Variants in DNAH11 observed in about 807,000 individuals in gnomAD.
DNAH11 encodes the protein axonemal beta dynein heavy chain 11.
DNAH11 carries 442 observed loss-of-function variants against 526.0 expected under a neutral mutation model. The observed-to-expected ratio is 0.84, with a 90% confidence interval of 0.78 to 0.91. DNAH11 has a LOEUF of 0.91. DNAH11 is among the 40% of genes least tolerant of loss of function. DNAH11 has a pLI of 0.00. For synonymous variants in DNAH11, 2,461 were observed against 1,935.9 expected, an observed-to-expected ratio of 1.27 and a Z score of -7.12; for missense variants, 6,989 against 5,448.7, an observed-to-expected ratio of 1.28 and a Z score of -8.90.
At chr7:21,735,571 G>T in intron 45 of DNAH11, 69 bp from the exon 46 acceptor site, 3 of 1,382,656 alleles carry the variant, frequency 2.2e-6, no homozygotes, top group South Asian at 2.7e-5. Flanking sequence ...TAAAATTTTG[G>T]AATGCCTCTC....
At chr7:21,833,596 G>T (rs192227636) in intron 65 of DNAH11, among the ~76,000 whole-genome samples, 4 of 152,286 alleles carry the variant, frequency 2.6e-5, no homozygotes, top group Admixed American at 2.6e-4. Flanking sequence ...TGGGGAGGCT[G>T]AGGCAGGAGA....
intron 77 of DNAH11, 88 bp from the exon 78 acceptor site, chr7:21,894,535 T>A (rs1784438753): frequency 7.3e-7 from 1 of 1,367,538 alleles, no homozygotes. Context: ...TGATATATTC[T>A]GTAACTTCAA....
intron 64 of DNAH11, among the ~76,000 whole-genome samples, chr7:21,817,129 A>C (rs558124490): frequency 8.9e-4 from 135 of 152,256 alleles, no homozygotes; most frequent in African/African-American, 3.0e-3. Flanking sequence ...ACAAGTCCCA[A>C]CATTGGGTGC....
intron 63 of DNAH11, 82 bp from the exon 64 acceptor site, chr7:21,816,385 A>G: frequency 8.6e-7 from 1 of 1,163,412 alleles, no homozygotes; most frequent in Admixed American, 2.2e-5. Context: ...TTACTTTCTC[A>G]TGACTTTGTT....
chr7:21,650,613 A>T (rs1214841960), intron 28 of DNAH11, among the ~76,000 whole-genome samples: 1 of 150,628 alleles, frequency 6.6e-6, no homozygotes, highest in Non-Finnish European at 1.5e-5. Flanking sequence ...CCATCACCAA[A>T]ACTGTTATTT....
intron 54 of DNAH11, among the ~76,000 whole-genome samples, chr7:21,757,363 T>C (rs1240440318): frequency 6.6e-6 from 1 of 152,212 alleles, no homozygotes; most frequent in Non-Finnish European, 1.5e-5. Context: ...ATTTTAAATA[T>C]TATTTTTTTA....
chr7:21,747,831 C>T (rs542811159), intron 51 of DNAH11, among the ~76,000 whole-genome samples: 4 of 152,312 alleles, frequency 2.6e-5, no homozygotes, highest in Non-Finnish European at 4.4e-5. Context: ...TAAACAAATC[C>T]ATTCTTTCCA....
chr7:21,615,270 C>A lies in DNAH11; in HGVS notation c.4009C>A (p.Arg1337=). 1 of 1,609,962 alleles carries A rather than the reference C, an allele frequency of 6.2e-7. No individual in the cohort carries two copies. The highest frequency in any genetic ancestry group is 1.1e-5 in the South Asian group (1 of 89,912). The part of the protein sequence containing the change: ...KGLWDVIIYV[R]RSIDNWTKTQ... ...ACTGTGGGATGTCATTATTTATGTT[C>A]GAGTAAGATGTGCTTTTTCAAAACA... The change falls in exon 21 of 82, where the codon CGA becomes AGA. Residue 1337 remains arginine (R), a splice_region_variant and synonymous_variant. Coordinates refer to ENST00000409508, the MANE Select transcript of DNAH11 (RefSeq NM_001277115.2).
At chr7:21,898,568 T>C (rs1784614362) in intron 79 of DNAH11, among the ~76,000 whole-genome samples, 1 of 152,234 alleles carries the variant, frequency 6.6e-6, no homozygotes, top group Non-Finnish European at 1.5e-5. Flanking sequence ...CTCTACTCCA[T>C]TCTCCTGGTC....
chr7:21,898,795 T>A (rs1032962467), intron 79 of DNAH11, among the ~76,000 whole-genome samples: 4 of 152,188 alleles, frequency 2.6e-5, no homozygotes, highest in African/African-American at 9.7e-5. Context: ...GGCTGACTTG[T>A]TTTCCTAATT....
At chr7:21,817,029 A>G (rs1789824582) in intron 64 of DNAH11, among the ~76,000 whole-genome samples, 1 of 152,176 alleles carries the variant, frequency 6.6e-6, no homozygotes, top group African/African-American at 2.4e-5. Context: ...TAGTAACACA[A>G]GAATTGTCAA....
At position 21,852,546 on chromosome 7, in the gene DNAH11, C is replaced by T. The variant is rs150631721; in HGVS notation, c.10976C>T (p.Ala3659Val). The change falls in exon 67 of 82, where the codon GCG becomes GTG. Residue 3659 changes from alanine (A) to valine (V), a missense_variant. By Grantham distance (64) the Ala-to-Val change is moderately conservative. Coordinates refer to ENST00000409508, the MANE Select transcript of DNAH11 (RefSeq NM_001277115.2). ...GACGATCTCCTTTTGCGCCTTTCTG[C>T]GGCAGAGGGAAGCTTTCTGGATGAC... ...LEDDLLLRLSAAEGSFLDDTK... is the reference protein window; with the variant it reads ...LEDDLLLRLSVAEGSFLDDTK... 5.2e-4 allele frequency: 833 copies of T among 1,612,604 alleles called. 13 individuals are homozygous for T. The East Asian group carries it at 0.015, about 29-fold the overall frequency.
intron 56 of DNAH11, among the ~76,000 whole-genome samples, chr7:21,777,124 A>G (rs1007039043): frequency 2.6e-5 from 4 of 152,080 alleles, no homozygotes; most frequent in Admixed American, 1.3e-4. Context: ...GTTCCTGGCC[A>G]TCACTAATCT....
intron 66 of DNAH11, among the ~76,000 whole-genome samples, chr7:21,850,348 C>T (rs1421859794): frequency 9.1e-6 from 1 of 109,830 alleles, no homozygotes; most frequent in Non-Finnish European, 1.8e-5. Flanking sequence ...AGAGGAGACT[C>T]TGTCTCAAAA....
At chr7:21,581,308 A>T (rs902723962) in intron 8 of DNAH11, among the ~76,000 whole-genome samples, 9 of 152,182 alleles carry the variant, frequency 5.9e-5, no homozygotes, top group African/African-American at 1.9e-4. Flanking sequence ...ATAGTTATGT[A>T]TCAGGAGGAA....
rs1317972545 is a variant in DNAH11 at position 21,627,643 on chromosome 7, GTTA to G, written c.4500+7570_4500+7572del. Among the ~76,000 whole-genome samples the G allele has an allele frequency of 2.6e-5, 4 of 152,140 alleles. No individual in the cohort carries two copies. In the East Asian group the frequency reaches 5.8e-4, roughly 22 times the overall value. On this transcript the variant is annotated intron_variant, in intron 25 of 81. Coordinates refer to ENST00000409508, the MANE Select transcript of DNAH11 (RefSeq NM_001277115.2). ...TTCTGTTCCATTGGTCTCTGTGTCT[GTTA>G]TTATGCCAGTACTATGCTGATTTGG...
chr7:21,635,342 G>A (rs1786811288), intron 25 of DNAH11, among the ~76,000 whole-genome samples: 1 of 152,178 alleles, frequency 6.6e-6, no homozygotes, highest in Non-Finnish European at 1.5e-5. Flanking sequence ...ATTTTTAGTA[G>A]AGACGGGGTT....
rs780882494 is a variant in DNAH11 at position 21,717,839 on chromosome 7, T to C, written c.7048T>C (p.Phe2350Leu). ...AGAAAAGGCCAATTTGACTATTCTT[T>C]TTGATAAATATGTCCCTGCATGCTT... ...QSEKANLTIL[F>L]DKYVPACLDK... is the part of the protein sequence containing the mutation. The change falls in exon 43 of 82, where the codon TTT becomes CTT. Residue 2350 changes from phenylalanine to leucine, a missense_variant. Physicochemically the swap from Phe to Leu is conservative, Grantham distance 22 (BLOSUM62 0). Transcript: ENST00000409508. 1.2e-6 allele frequency: 2 copies of C among 1,613,890 alleles called. No homozygotes were observed. The highest frequency in any genetic ancestry group is 1.3e-5 in the African/African-American group (1 of 75,058).
At position 21,591,582 on chromosome 7, in the gene DNAH11, T is replaced by A; in HGVS notation, c.2667+5T>A. The A allele has an allele frequency of 6.5e-7, 1 of 1,543,526 alleles. No homozygotes were observed. ...AAGATCCACAACTTGGTCGAGGTAA[T>A]GGCTTTTAACCTTTCAAGATTTATA... On this transcript the variant is annotated splice_donor_5th_base_variant and intron_variant, in intron 14 of 81. Coordinates refer to ENST00000409508, the MANE Select transcript of DNAH11 (RefSeq NM_001277115.2).
Sources: allele counts gnomAD v4.1 joint callset (sites outside exome capture counted in the v4.1 genomes callset), GRCh38; gene constraint gnomAD v4.1.1; transcripts MANE v1.5; gene names NCBI Gene and HGNC (gene_info 2026-07-23, HGNC 2026-07-21).